Variants in SGIP1 observed in about 807,000 individuals in gnomAD.
The protein encoded by SGIP1 is SH3-containing GRB2-like protein 3-interacting protein 1.
Under a neutral mutation model 107.5 loss-of-function variants are expected in SGIP1, and 38 were observed. That is an observed-to-expected ratio of 0.35 (90% CI 0.27 to 0.46). SGIP1 has a LOEUF of 0.46. SGIP1 is among the 20% of genes least tolerant of loss of function. SGIP1 has a pLI of 1.00. For synonymous variants in SGIP1, 365 were observed against 366.1 expected, an observed-to-expected ratio of 1.00 and a Z score of 0.03; for missense variants, 929 against 1,019.5, an observed-to-expected ratio of 0.91 and a Z score of 1.21.
chr1:66,746,476 T>C lies in SGIP1; in HGVS notation c.*3381T>C, dbSNP rs559508030. On this transcript the variant is annotated 3_prime_UTR_variant, in exon 25 of 25. Transcript: ENST00000371037. ...ACTCTGAAGTTCCACAGTTGTAATTTACTCAGATAAACCACCTTTTGAGGC... is the reference window on the plus strand; with the variant it reads ...ACTCTGAAGTTCCACAGTTGTAATTCACTCAGATAAACCACCTTTTGAGGC... 4.6e-5 allele frequency: 7 copies of C among 152,250 alleles called. No individual in the cohort carries two copies. Among genetic ancestry groups the C allele is most frequent in the Admixed American group, 3.3e-4 (5 of 15,296 alleles). 9.4% of individuals were successfully genotyped at this position (152,250 alleles called of 1,614,324 possible).
chr1:66,673,389 T>G, intron 12 of SGIP1, 23 bp downstream of exon 12: 2 of 1,563,000 alleles, frequency 1.3e-6, no homozygotes, highest in South Asian at 2.4e-5. Flanking sequence ...ACTCCATATA[T>G]TATAGATTTG....
intron 1 of SGIP1, among the ~76,000 whole-genome samples, chr1:66,561,718 G>A (rs1425678665): frequency 4.6e-5 from 7 of 151,916 alleles, no homozygotes; most frequent in Admixed American, 6.6e-5. Flanking sequence ...CCCACCTGTC[G>A]GACTCTCTTG....
At chr1:66,675,531 C>CTTTTTTTTTTTTTTTTT (rs1467845348) in intron 12 of SGIP1, among the ~76,000 whole-genome samples, 2 of 72,044 alleles carry the variant, frequency 2.8e-5, no homozygotes, top group South Asian at 8.0e-4. Context: ...TTTTCTTTTT[C>CTTTTTTTTTTTTTTTTT]TTTTTCTTTC....
chr1:66,701,367 C>T (rs1275577986), intron 18 of SGIP1, among the ~76,000 whole-genome samples: 1 of 152,208 alleles, frequency 6.6e-6, no homozygotes, highest in Non-Finnish European at 1.5e-5. Context: ...AGTACCCACT[C>T]TGCAAATCAC....
At chr1:66,591,724 C>G (rs984011137) in intron 1 of SGIP1, among the ~76,000 whole-genome samples, 9 of 152,208 alleles carry the variant, frequency 5.9e-5, no homozygotes, top group African/African-American at 1.7e-4. Flanking sequence ...GGGCACTGGT[C>G]TCTGAGTTCC....
At chr1:66,680,078 G>A (rs552877468) in intron 14 of SGIP1, among the ~76,000 whole-genome samples, 20 of 152,224 alleles carry the variant, frequency 1.3e-4, no homozygotes, top group African/African-American at 3.4e-4. Flanking sequence ...GTTGGATCTC[G>A]TTTTAATGAT....
At chr1:66,638,215 T>A (rs1571052134) in intron 4 of SGIP1, among the ~76,000 whole-genome samples, 1 of 152,068 alleles carries the variant, frequency 6.6e-6, no homozygotes, top group Non-Finnish European at 1.5e-5. Flanking sequence ...AAAGAGAAAG[T>A]AAATATGATA....
intron 2 of SGIP1, 139 bp from the exon 3 acceptor site, chr1:66,632,931 T>C: frequency 1.4e-6 from 1 of 710,876 alleles, no homozygotes; most frequent in East Asian, 2.6e-5. Context: ...TTTGATTTAG[T>C]TTTCATTAGC....
chr1:66,683,835 C>T (rs755511325), intron 15 of SGIP1, among the ~76,000 whole-genome samples: 2 of 148,266 alleles, frequency 1.3e-5, no homozygotes, highest in Non-Finnish European at 3.0e-5. Context: ...TCCTGAGTAG[C>T]TGGGATTATA....
At chr1:66,701,995 A>G (rs2091968276) in intron 18 of SGIP1, among the ~76,000 whole-genome samples, 1 of 152,180 alleles carries the variant, frequency 6.6e-6, no homozygotes, top group African/African-American at 2.4e-5. Flanking sequence ...TGAAAATATC[A>G]TTTTGCTTGG....
At chr1:66,581,680 T>A (rs1274865328) in intron 1 of SGIP1, among the ~76,000 whole-genome samples, 1 of 152,086 alleles carries the variant, frequency 6.6e-6, no homozygotes, top group African/African-American at 2.4e-5. Flanking sequence ...AGATGAGTTA[T>A]TGTACATGAT....
intron 1 of SGIP1, among the ~76,000 whole-genome samples, chr1:66,538,587 A>C (rs1380245476): frequency 6.6e-6 from 1 of 152,212 alleles, no homozygotes; most frequent in Non-Finnish European, 1.5e-5. Context: ...TGTTTCAAAT[A>C]AACAAGGTAC....
chr1:66,633,654 C>G (rs1292516215), intron 3 of SGIP1, among the ~76,000 whole-genome samples: 3 of 152,100 alleles, frequency 2.0e-5, no homozygotes, highest in African/African-American at 7.2e-5. Context: ...TTGCTGGCCA[C>G]CAGAATTCTT....
intron 1 of SGIP1, among the ~76,000 whole-genome samples, chr1:66,546,303 A>T (rs6662771): frequency 3.3e-5 from 5 of 152,238 alleles, no homozygotes; most frequent in African/African-American, 1.2e-4. Context: ...AGTATCTCAC[A>T]TATGTCTGCC....
intron 1 of SGIP1, among the ~76,000 whole-genome samples, chr1:66,585,650 GT>G (rs1361542399): frequency 6.6e-6 from 1 of 151,422 alleles, no homozygotes; most frequent in Non-Finnish European, 1.5e-5. Flanking sequence ...GTGGTTTTTT[GT>G]TTTGTTTTGT....
intron 1 of SGIP1, among the ~76,000 whole-genome samples, chr1:66,588,043 A>G (rs1045031669): frequency 2.0e-5 from 3 of 152,178 alleles, no homozygotes; most frequent in African/African-American, 7.2e-5. Context: ...CTTGATCTGA[A>G]TTACAATATT....
chr1:66,710,920 C>A (rs1171273045), intron 18 of SGIP1, among the ~76,000 whole-genome samples: 1 of 152,128 alleles, frequency 6.6e-6, no homozygotes, highest in East Asian at 1.9e-4. Context: ...ATGTATAAAA[C>A]TCTCAATTAA....
chr1:66,652,880 G>A (rs1178085701), intron 7 of SGIP1, among the ~76,000 whole-genome samples: 1 of 152,196 alleles, frequency 6.6e-6, no homozygotes, highest in Non-Finnish European at 1.5e-5. Context: ...AAGGCACTCA[G>A]CCCAGACCTC....
At chr1:66,719,186 C>A in intron 18 of SGIP1, 108 bp from the exon 19 acceptor site, 1 of 647,424 alleles carries the variant, frequency 1.5e-6, no homozygotes, top group Non-Finnish European at 2.6e-6. Flanking sequence ...TTTTGTTTTA[C>A]ATTAAGGGGT....
Sources: gnomAD v4.1 joint callset for allele counts (sites outside exome capture counted in the v4.1 genomes callset) on GRCh38, gnomAD v4.1.1 for gene constraint, MANE v1.5 for transcripts, NCBI Gene and HGNC (gene_info 2026-07-23, HGNC 2026-07-21) for gene names.